Variants in LRRC37A2 observed in about 807,000 individuals in gnomAD.
The protein encoded by LRRC37A2 is leucine rich repeat containing 37 member A2, also known as leucine-rich repeat-containing protein 37A2.
A neutral mutation model predicts 68.8 loss-of-function variants in LRRC37A2; 9 were observed. The ratio of observed to expected loss-of-function variants is 0.13; its 90% CI spans 0.08 to 0.23. The LOEUF is 0.23. Ranked by LOEUF, LRRC37A2 falls within the 10% of genes least tolerant of loss-of-function variation. The probability of loss-of-function intolerance (pLI) is 1.00; values close to 1 mark genes in which losing one functional copy is unlikely to be tolerated. For synonymous variants in LRRC37A2, 63 were observed against 367.6 expected (o/e 0.17, Z 9.48); for missense variants, 168 against 950.4 (o/e 0.18, Z 10.82).
the LRRC37A2 span, among the ~76,000 whole-genome samples, chr17:46,796,629 T>C: frequency 0.2 from 30,191 of 152,050 alleles, 3,439 homozygotes; most frequent in East Asian, 0.33. Flanking sequence ...CCCAGCCTCA[T>C]TGGGTGACAG....
chr17:46,860,578 T>C, the LRRC37A2 span, among the ~76,000 whole-genome samples: 1 of 152,236 alleles, frequency 6.6e-6, no homozygotes, highest in African/African-American at 2.4e-5. Context: ...CTTAGGCTTG[T>C]TGTAAGAGTT....
the LRRC37A2 span, among the ~76,000 whole-genome samples, chr17:46,970,060 A>G: frequency 3.3e-5 from 5 of 152,210 alleles, no homozygotes; most frequent in Admixed American, 2.0e-4. Flanking sequence ...CTGTAAAATG[A>G]CGATCATCCC....
the LRRC37A2 span, among the ~76,000 whole-genome samples, chr17:46,816,123 A>ACACACACACGCACGCACG: frequency 1.4e-5 from 2 of 147,962 alleles, no homozygotes; most frequent in Admixed American, 1.3e-4. Context: ...ACACACACAC[A>ACACACACACGCACGCACG]CACACACTCA....
the LRRC37A2 span, chr17:46,931,092 T>G: frequency 1.4e-6 from 2 of 1,406,480 alleles, no homozygotes; most frequent in Non-Finnish European, 2.0e-6. Context: ...TTTTCTTTTT[T>G]GTACAGTAGT....
At chr17:46,385,997 AT>A in the LRRC37A2 span, among the ~76,000 whole-genome samples, 1 of 94,992 alleles carries the variant, frequency 1.1e-5, no homozygotes, top group Non-Finnish European at 2.4e-5. Context: ...CTTCATCTAT[AT>A]CCAATTTTCA....
At chr17:46,756,040 C>T in the LRRC37A2 span, 3 of 530,186 alleles carry the variant, frequency 5.7e-6, no homozygotes, top group Non-Finnish European at 1.0e-5. Flanking sequence ...GTTTAGAATG[C>T]TGCGCTTACC....
chr17:46,778,610 C>T, the LRRC37A2 span, among the ~76,000 whole-genome samples: 1 of 152,276 alleles, frequency 6.6e-6, no homozygotes, highest in East Asian at 1.9e-4. Context: ...TCCTATTCCC[C>T]ATTATTGAAG....
chr17:46,711,019 A>C, the LRRC37A2 span: 1 of 1,593,920 alleles, frequency 6.3e-7, no homozygotes, highest in Non-Finnish European at 8.5e-7. Flanking sequence ...GTATCATCAA[A>C]TGGGGTGACC....
At chr17:46,796,019 G>T in the LRRC37A2 span, among the ~76,000 whole-genome samples, 7 of 152,148 alleles carry the variant, frequency 4.6e-5, no homozygotes, top group Non-Finnish European at 7.4e-5. Flanking sequence ...TGTCGGCAGG[G>T]TAATTATCAG....
the LRRC37A2 span, chr17:46,769,763 G>T: frequency 8.1e-6 from 13 of 1,607,812 alleles, 1 homozygote; most frequent in South Asian, 1.3e-4. Context: ...GAAGGGTTTG[G>T]GGAGGGTAGC....
At chr17:46,909,779 T>G in the LRRC37A2 span, 2 of 152,264 alleles carry the variant, frequency 1.3e-5, no homozygotes, top group African/African-American at 4.8e-5. Context: ...TTATTTTTCC[T>G]GATCCTCTCC....
chr17:46,927,511 G>A, the LRRC37A2 span, among the ~76,000 whole-genome samples: 1 of 152,202 alleles, frequency 6.6e-6, no homozygotes. Context: ...CAGAAAGTTT[G>A]AAAGCTGCTC....
At chr17:46,944,752 A>G in the LRRC37A2 span, among the ~76,000 whole-genome samples, 5 of 151,600 alleles carry the variant, frequency 3.3e-5, no homozygotes, top group South Asian at 6.3e-4. Context: ...GGCACCCACT[A>G]CCACGCCCGG....
At chr17:46,924,845 G>C in the LRRC37A2 span, among the ~76,000 whole-genome samples, 1 of 152,174 alleles carries the variant, frequency 6.6e-6, no homozygotes, top group South Asian at 2.1e-4. Context: ...CAATAGCAGG[G>C]CACAATGGGC....
chr17:46,880,965 A>G, the LRRC37A2 span, among the ~76,000 whole-genome samples: 1 of 152,176 alleles, frequency 6.6e-6, no homozygotes, highest in Non-Finnish European at 1.5e-5. Context: ...AGGGACCTAC[A>G]GTCTAATAGG....
At chr17:46,741,267 A>G in the LRRC37A2 span, among the ~76,000 whole-genome samples, 1 of 152,202 alleles carries the variant, frequency 6.6e-6, no homozygotes, top group Admixed American at 6.5e-5. Flanking sequence ...GCTGCTCCCA[A>G]TGTAAAATCT....
chr17:46,813,069 T>G, the LRRC37A2 span, among the ~76,000 whole-genome samples: 1 of 152,026 alleles, frequency 6.6e-6, no homozygotes, highest in Non-Finnish European at 1.5e-5. Flanking sequence ...GGTTTGGAAG[T>G]GCAAGCAGGT....
intron 8 of LRRC37A2, among the ~76,000 whole-genome samples, chr17:46,541,771 T>C (rs1243023522): frequency 1.3e-5 from 2 of 150,908 alleles, no homozygotes; most frequent in Non-Finnish European, 2.9e-5. Flanking sequence ...ATTTACACTG[T>C]ATTAGGTACT....
At chr17:46,934,447 A>G in the LRRC37A2 span, among the ~76,000 whole-genome samples, 1 of 152,132 alleles carries the variant, frequency 6.6e-6, no homozygotes, top group Admixed American at 6.5e-5. Flanking sequence ...GTTTGAGTCC[A>G]GGAGGCTAAG....
Sources: allele counts gnomAD v4.1 joint callset (sites outside exome capture counted in the v4.1 genomes callset), GRCh38; gene constraint gnomAD v4.1.1; transcripts MANE v1.5; gene names NCBI Gene and HGNC (gene_info 2026-07-23, HGNC 2026-07-21).